Variants in STARD9 observed in about 807,000 individuals in gnomAD.
STARD9 encodes the protein stAR-related lipid transfer protein 9.
Under a neutral mutation model 399.8 loss-of-function variants are expected in STARD9, and 346 were observed. The observed-to-expected ratio is 0.87, with a 90% CI of 0.79 to 0.95. The LOEUF (loss-of-function observed/expected upper bound fraction) is 0.95, where lower values mean the gene tolerates loss of function less well. Ranked by LOEUF, STARD9 falls within the 40% of genes least tolerant of loss-of-function variation. The pLI is 0.00. For synonymous variants in STARD9, 2,203 were observed against 2,143.5 expected (o/e 1.03, Z -0.77); for missense variants, 5,832 against 5,667.5 (o/e 1.03, Z -0.93).
At chr15:42,581,398 G>A (rs2058166486) in intron 1 of STARD9, 3 of 1,506,716 alleles carry the variant, frequency 2.0e-6, no homozygotes, top group East Asian at 2.3e-5. Context: ...TAGTCAAGAG[G>A]TAGCTGCGCG....
chr15:42,693,025 C>T lies in STARD9; in HGVS notation c.11447C>T (p.Ser3816Leu), dbSNP rs546655290. The T allele has an allele frequency of 2.5e-5, 38 of 1,537,238 alleles. 1 individual carries two copies. The East Asian group carries it at 5.4e-4, about 22-fold the overall frequency. ...AAGCCCCAGAGCCCTTCAATACCCT[C>T]ATCCCACTTGAGGTTTCAGAAAGCC... ...PYKPQSPSIP[S>L]SHLRFQKAPV... Residue 3816 changes from serine to leucine, a missense_variant, in exon 23 of 33, where the codon TCA becomes TTA. Physicochemically the swap from Ser to Leu is moderately radical, Grantham distance 145 (BLOSUM62 -2). Transcript: ENST00000290607.
At position 42,693,067 on chromosome 15, in the gene STARD9, T is replaced by G; in HGVS notation, c.11489T>G (p.Leu3830Arg). 1 of 1,537,134 alleles carries G rather than the reference T, an allele frequency of 6.5e-7. No individual in the cohort carries two copies. The highest frequency in any genetic ancestry group is 8.7e-7 in the Non-Finnish European group (1 of 1,146,888). The change falls in exon 23 of 33, where the codon CTT (leucine) becomes CGT (arginine). Residue 3830 changes from leucine (L) to arginine (R), a missense_variant. By Grantham distance (102) the Leu-to-Arg change is moderately radical (BLOSUM62 -2). This residue lies in a region of STARD9 where 5,828 missense variants were observed against 5,651.1 expected (regional missense o/e 1.03). Coordinates refer to ENST00000290607, the MANE Select transcript of STARD9 (RefSeq NM_020759.3). Reference protein sequence around the residue: ...RFQKAPVGQHLPSVSPSVSDA... With the variant: ...RFQKAPVGQHRPSVSPSVSDA... ...CAGAAAGCCCCCGTTGGGCAGCATC[T>G]TCCTTCTGTGAGCCCCTCAGTTTCT... is the stretch of plus-strand genomic sequence containing the variant.
intron 3 of STARD9, among the ~76,000 whole-genome samples, chr15:42,603,602 A>G (rs1289823957): frequency 6.6e-6 from 1 of 152,086 alleles, no homozygotes; most frequent in Non-Finnish European, 1.5e-5. Flanking sequence ...CCCAGAGTTT[A>G]TTACTCAAAT....
intron 16 of STARD9, chr15:42,673,858 C>T: frequency 2.2e-6 from 1 of 453,664 alleles, no homozygotes. Context: ...TCCTCTCTTA[C>T]ACTCTCTTCC....
chr15:42,649,839 A>AG (rs1377460326), intron 7 of STARD9, among the ~76,000 whole-genome samples: 1 of 146,500 alleles, frequency 6.8e-6, no homozygotes, highest in East Asian at 2.0e-4. Context: ...CTGGGATTAC[A>AG]GGCATGAGGC....
At chr15:42,702,365 G>A (rs559676742) in intron 26 of STARD9, among the ~76,000 whole-genome samples, 241 of 152,078 alleles carry the variant, frequency 1.6e-3, no homozygotes, top group Middle Eastern at 6.8e-3. Flanking sequence ...CACCATGCCT[G>A]GCTAATTTTT....
rs542412856 is a variant in STARD9 at position 42,575,937 on chromosome 15, G to A, written c.47+175G>A. ...GGGACGGGACCTCAGTCGAGCTTTC[G>A]CGTTGTGTCCTGGGGATAGCGGTTC... On this transcript the variant is annotated intron_variant, in intron 1 of 32. Transcript: ENST00000290607. 4.2e-3 allele frequency among the ~76,000 whole-genome samples: 644 copies of A among 152,314 alleles called. 5 individuals are homozygous for A. Among genetic ancestry groups the A allele is most frequent in the African/African-American group, 0.015 (627 of 41,572 alleles).
chr15:42,689,661 C>T lies in STARD9; in HGVS notation c.8083C>T (p.His2695Tyr), dbSNP rs1473268010. 1.3e-6 allele frequency: 2 copies of T among 1,537,754 alleles called. No individual in the cohort carries two copies. Among genetic ancestry groups the T allele is most frequent in the Non-Finnish European group, 1.7e-6 (2 of 1,147,024 alleles). The change falls in exon 23 of 33, where the codon CAC becomes TAC. Residue 2695 changes from histidine (H) to tyrosine (Y), a missense_variant. His to Tyr is a moderately conservative substitution (Grantham distance 83). Coordinates refer to ENST00000290607, the MANE Select transcript of STARD9 (RefSeq NM_020759.3). ...GGGAGCAAGTGAACCATTTATATGT[C>T]ACTCTAGTTCTTCTGAAATCATAGA... ...FAGASEPFIC[H>Y]SSSSEIIEKK...
At chr15:42,680,207 G>C (rs1566928914) in intron 20 of STARD9, among the ~76,000 whole-genome samples, 1 of 152,198 alleles carries the variant, frequency 6.6e-6, no homozygotes, top group African/African-American at 2.4e-5. Context: ...CCAGGGAAAG[G>C]TCAGCAAGTA....
intron 10 of STARD9, among the ~76,000 whole-genome samples, chr15:42,662,109 C>T (rs752536103): frequency 2.3e-4 from 35 of 152,100 alleles, no homozygotes; most frequent in Non-Finnish European, 4.6e-4. Flanking sequence ...AACATAACAA[C>T]ATAGCTCAAC....
intron 7 of STARD9, among the ~76,000 whole-genome samples, chr15:42,646,998 T>C (rs769771346): frequency 6.6e-6 from 1 of 152,178 alleles, no homozygotes; most frequent in Non-Finnish European, 1.5e-5. Context: ...AGTCAGAACA[T>C]ATACATTTAT....
At chr15:42,585,130 A>G (rs1158945631) in intron 2 of STARD9, among the ~76,000 whole-genome samples, 1 of 152,240 alleles carries the variant, frequency 6.6e-6, no homozygotes, top group East Asian at 1.9e-4. Context: ...ATGTATATGC[A>G]AATATTCCAA....
intron 3 of STARD9, among the ~76,000 whole-genome samples, chr15:42,587,696 G>C (rs1029138269): frequency 2.0e-5 from 3 of 152,218 alleles, no homozygotes; most frequent in Non-Finnish European, 2.9e-5. Context: ...CTTCTGAGTA[G>C]CTGGGATTAC....
chr15:42,624,611 C>T (rs2059160169), intron 3 of STARD9, among the ~76,000 whole-genome samples: 1 of 151,668 alleles, frequency 6.6e-6, no homozygotes, highest in South Asian at 2.1e-4. Context: ...TGCAGTGACG[C>T]AATCTTGGCT....
chr15:42,631,893 G>A (rs990409153), intron 3 of STARD9, among the ~76,000 whole-genome samples: 1 of 152,070 alleles, frequency 6.6e-6, no homozygotes, highest in Admixed American at 6.6e-5. Flanking sequence ...TCCATGTGCT[G>A]AGGAGAAGAA....
At chr15:42,622,310 C>T (rs150104214) in intron 3 of STARD9, among the ~76,000 whole-genome samples, 1 of 152,098 alleles carries the variant, frequency 6.6e-6, no homozygotes, top group African/African-American at 2.4e-5. Flanking sequence ...AAAATGAAAG[C>T]CAAGTTTCTC....
At chr15:42,651,359 G>C (rs2059758978) in intron 8 of STARD9, among the ~76,000 whole-genome samples, 1 of 152,144 alleles carries the variant, frequency 6.6e-6, no homozygotes, top group African/African-American at 2.4e-5. Context: ...ATTTTGTTTA[G>C]AGCTTCTAAA....
At chr15:42,598,804 ACTT>A (rs2058566157) in intron 3 of STARD9, among the ~76,000 whole-genome samples, 1 of 152,208 alleles carries the variant, frequency 6.6e-6, no homozygotes, top group African/African-American at 2.4e-5. Flanking sequence ...ACTAGAGCTT[ACTT>A]CTTCTAACAC....
At chr15:42,626,249 T>C (rs1048637722) in intron 3 of STARD9, among the ~76,000 whole-genome samples, 5 of 134,960 alleles carry the variant, frequency 3.7e-5, no homozygotes, top group Admixed American at 1.4e-4. Flanking sequence ...CTTCTTCTTC[T>C]TCCTCTTCCT....
Sources: allele counts gnomAD v4.1 joint callset (sites outside exome capture counted in the v4.1 genomes callset), GRCh38; gene constraint gnomAD v4.1.1; regional missense constraint gnomAD v4.1.1; transcripts MANE v1.5; gene names NCBI Gene and HGNC (gene_info 2026-07-23, HGNC 2026-07-21).